STX7: variants seen among roughly 807,000 people sequenced by gnomAD.
The protein encoded by STX7 is syntaxin-7.
In STX7, 34 loss-of-function variants were observed where a neutral mutation model predicts 39.6. The observed-to-expected ratio is 0.86, with a 90% CI of 0.65 to 1.14. STX7 has a LOEUF of 1.14. STX7 is among the 50% of genes most tolerant of loss of function. STX7 has a pLI of 0.00. For missense variants in STX7, 284 were observed against 310.4 expected, an observed-to-expected ratio of 0.92 and a Z score of 0.64; for synonymous variants, 119 against 99.1, an observed-to-expected ratio of 1.20 and a Z score of -1.19.
At chr6:132,466,828 T>C (rs1023716886) in intron 8 of STX7, among the ~76,000 whole-genome samples, 1 of 152,174 alleles carries the variant, frequency 6.6e-6, no homozygotes, top group African/African-American at 2.4e-5. Context: ...GATTTCCCCA[T>C]CTCAGAAAAC....
intron 5 of STX7, among the ~76,000 whole-genome samples, chr6:132,471,016 C>T (rs1245135380): frequency 6.6e-6 from 1 of 151,998 alleles, no homozygotes; most frequent in Non-Finnish European, 1.5e-5. Context: ...TATTGTAAAG[C>T]TTCCTTTCAT....
At chr6:132,497,117 T>G (rs1249040579) in intron 2 of STX7, among the ~76,000 whole-genome samples, 1 of 151,904 alleles carries the variant, frequency 6.6e-6, no homozygotes, top group African/African-American at 2.4e-5. Context: ...AAAGAACATA[T>G]AAGAATGTTC....
At chr6:132,484,197 G>A (rs1393868741) in intron 2 of STX7, among the ~76,000 whole-genome samples, 1 of 152,116 alleles carries the variant, frequency 6.6e-6, no homozygotes, top group Non-Finnish European at 1.5e-5. Flanking sequence ...ACTTCAAAGA[G>A]TATGTTACAT....
intron 1 of STX7, among the ~76,000 whole-genome samples, chr6:132,508,865 T>G (rs947524034): frequency 6.6e-6 from 1 of 152,116 alleles, no homozygotes; most frequent in Non-Finnish European, 1.5e-5. Flanking sequence ...AGAAGAAAGA[T>G]GTGTAAAATA....
At chr6:132,506,023 G>A (rs1775698790) in intron 1 of STX7, among the ~76,000 whole-genome samples, 1 of 151,442 alleles carries the variant, frequency 6.6e-6, no homozygotes, top group Non-Finnish European at 1.5e-5. Flanking sequence ...CATGGTGCTG[G>A]GAAAATTGGA....
chr6:132,508,340 T>G (rs138896803), intron 1 of STX7, among the ~76,000 whole-genome samples: 4 of 152,304 alleles, frequency 2.6e-5, no homozygotes, highest in Non-Finnish European at 2.9e-5. Flanking sequence ...CCACCTTTTT[T>G]CCTCTCTGGA....
At chr6:132,465,386 T>C (rs576721814) in intron 8 of STX7, among the ~76,000 whole-genome samples, 1 of 152,304 alleles carries the variant, frequency 6.6e-6, no homozygotes, top group African/African-American at 2.4e-5. Flanking sequence ...ACATATGGCA[T>C]GTCCTCACTT....
intron 8 of STX7, among the ~76,000 whole-genome samples, chr6:132,465,555 T>C (rs1013241953): frequency 6.6e-6 from 1 of 152,204 alleles, no homozygotes; most frequent in Non-Finnish European, 1.5e-5. Context: ...TGTGTTTCAC[T>C]TTAAAGTCAT....
rs1774858433 is a variant in STX7 at position 132,475,753 on chromosome 6, T to C, written c.86-91A>G. On this transcript the variant is annotated intron_variant, in intron 2 of 9. Transcript: ENST00000367941. ...TTAATATGTACAAGCAATTGGGCAG[T>C]TGAAAAGAGACAGAAAAACAAAGAT... The C allele has an allele frequency of 6.0e-6, 4 of 669,432 alleles. No individual in the cohort carries two copies. The South Asian group carries it at 1.1e-4, about 19-fold the overall frequency. 41.5% of individuals were successfully genotyped at this position (669,432 alleles called of 1,614,324 possible).
rs143841529 is a variant in STX7, at chr6:132,455,849, A to C, written c.*4909T>G. The stretch of plus-strand genomic sequence containing the variant: ...ATAATGAGAAAATGGGCCAATAGGA[A>C]GATTTTCTTCTTTATTCCTATTTGA... On this transcript the variant is annotated 3_prime_UTR_variant, in exon 10 of 10. Transcript: ENST00000367941. 437 of 152,358 alleles carry C rather than the reference A, an allele frequency of 2.9e-3. 4 individuals are homozygous for C. Among genetic ancestry groups the C allele is most frequent in the African/African-American group, 0.01 (416 of 41,586 alleles). The allele number at this position is 152,358 out of a possible 1,614,324, so 9.4% of individuals were successfully genotyped here.
intron 1 of STX7, among the ~76,000 whole-genome samples, chr6:132,509,156 TCA>T (rs1228454743): frequency 6.6e-6 from 1 of 152,068 alleles, no homozygotes; most frequent in African/African-American, 2.4e-5. Flanking sequence ...GCAGGTGAAC[TCA>T]GTTAGAAAAA....
At chr6:132,484,728 T>C (rs1230740896) in intron 2 of STX7, among the ~76,000 whole-genome samples, 1 of 152,166 alleles carries the variant, frequency 6.6e-6, no homozygotes, top group Non-Finnish European at 1.5e-5. Context: ...CACATCACAC[T>C]GAGGAAGAAG....
chr6:132,475,856 G>A (rs1774861932), intron 2 of STX7, among the ~76,000 whole-genome samples, 194 bp from the exon 3 acceptor site: 1 of 152,114 alleles, frequency 6.6e-6, no homozygotes, highest in South Asian at 2.1e-4. Flanking sequence ...AAATTTTCAA[G>A]AGGAAATTGT....
At chr6:132,509,902 G>A (rs987195197) in intron 1 of STX7, among the ~76,000 whole-genome samples, 3 of 152,178 alleles carry the variant, frequency 2.0e-5, no homozygotes, top group African/African-American at 7.2e-5. Context: ...CCATTACCTA[G>A]CCCAGAGCTG....
intron 8 of STX7, among the ~76,000 whole-genome samples, chr6:132,466,626 A>G (rs1774571577): frequency 2.0e-5 from 3 of 152,054 alleles, no homozygotes; most frequent in Admixed American, 2.0e-4. Flanking sequence ...ATCTCACCCA[A>G]TCTTGTGGTG....
intron 1 of STX7, among the ~76,000 whole-genome samples, chr6:132,507,650 T>C (rs955600893): frequency 3.1e-5 from 4 of 128,472 alleles, no homozygotes; most frequent in Non-Finnish European, 4.8e-5. Flanking sequence ...CATTCCTTCA[T>C]TATTGCCAAA....
Position 132,475,650 on chromosome 6 carries a change from T to C in STX7, c.98A>G (p.Gln33Arg). 2.5e-6 allele frequency: 4 copies of C among 1,607,866 alleles called. No individual in the cohort carries two copies. The highest frequency in any genetic ancestry group is 3.4e-6 in the Non-Finnish European group (4 of 1,176,884). Residue 33 changes from glutamine (Q) to arginine (R), a missense_variant, in exon 3 of 10, where the codon CAA becomes CGA. By Grantham distance (43) the Gln-to-Arg change is conservative (BLOSUM62 1). Coordinates refer to ENST00000367941, the MANE Select transcript of STX7 (RefSeq NM_003569.3). ...QKITQCSVEI[Q>R]RTLNQLGTPQ... The stretch of plus-strand genomic sequence containing the variant: ...TGTTCCAAGTTGATTCAGAGTTCTT[T>C]GTATTTCCACAGCTATTATAATAGA...
At chr6:132,461,207 C>G (rs1031921762) in intron 9 of STX7, among the ~76,000 whole-genome samples, 1 of 152,096 alleles carries the variant, frequency 6.6e-6, no homozygotes, top group East Asian at 1.9e-4. Flanking sequence ...GAACAGCTTA[C>G]GAGCTTAAAC....
Position 132,446,581 on chromosome 6 carries a change from A to G in STX7, c.*14177T>C, listed in dbSNP as rs1582634541. 6.6e-6 allele frequency: 1 copy of G among 152,158 alleles called. No individual in the cohort carries two copies. Among genetic ancestry groups the G allele is most frequent in the Admixed American group, 6.6e-5 (1 of 15,266 alleles). 9.4% of individuals were successfully genotyped at this position (152,158 alleles called of 1,614,324 possible). On this transcript the variant is annotated 3_prime_UTR_variant, in exon 10 of 10. Coordinates refer to ENST00000367941, the MANE Select transcript of STX7 (RefSeq NM_003569.3). Reference sequence around the variant, plus strand: ...AAGATTTTGCTTTTTCTCAGGGCCCAGCATTTATTAAGCACTCAGCAAATG... The same window carrying G: ...AAGATTTTGCTTTTTCTCAGGGCCCGGCATTTATTAAGCACTCAGCAAATG...
Sources: gnomAD v4.1 joint callset for allele counts (sites outside exome capture counted in the v4.1 genomes callset) on GRCh38, gnomAD v4.1.1 for gene constraint, MANE v1.5 for transcripts, NCBI Gene and HGNC (gene_info 2026-07-23, HGNC 2026-07-21) for gene names.